Variants in MIA2 observed in about 807,000 individuals in gnomAD.
MIA2 encodes MIA SH3 domain ER export factor 2.
Under a neutral mutation model 167.8 loss-of-function variants are expected in MIA2, and 127 were observed. The ratio of observed to expected loss-of-function variants is 0.76; its 90% confidence interval spans 0.66 to 0.88. The LOEUF is 0.88. Among genes scored for constraint, MIA2 ranks in the 40% least tolerant of loss-of-function variants. The pLI is 0.00. For synonymous variants in MIA2, 552 were observed against 541.9 expected (o/e 1.02, Z -0.26); for missense variants, 1,690 against 1,624.7 (o/e 1.04, Z -0.69).
Position 39,286,696 on chromosome 14 carries a change from C to CTTTTTTTTT in MIA2, c.2131-4316_2131-4308dup, listed in dbSNP as rs35159773. Among the ~76,000 whole-genome samples, 6 of 142,690 alleles carry CTTTTTTTTT rather than the reference C, an allele frequency of 4.2e-5. 3 individuals carry two copies. The highest frequency in any genetic ancestry group is 6.1e-5 in the Non-Finnish European group (4 of 66,014). The allele number at this position is 142,690 out of a possible 152,430, so 93.6% of individuals were successfully genotyped here. A position where few individuals can be genotyped will look rare whatever the true frequency, so the allele number is the denominator to read the frequency against. ...TTATCCTTCTCTTCCTTCCTTCTTA[C>CTTTTTTTTT]TTTTTTTTTTTTTTTGAGACAGGCT... On this transcript the variant is annotated intron_variant, in intron 9 of 28. Coordinates refer to ENST00000640607, the MANE Select transcript of MIA2 (RefSeq NM_001329214.4).
chr14:39,236,920 A>G lies in MIA2; in HGVS notation c.116-2A>G. ...GTATTTTTCTTTACATGTTTTACAT[A>G]GCTTTAATAAACAGAGTCTCAGCCA... On this transcript the variant is annotated splice_acceptor_variant, in intron 1 of 28. Coordinates refer to ENST00000640607, the MANE Select transcript of MIA2 (RefSeq NM_001329214.4). LOFTEE classifies it high-confidence loss of function. 6.3e-7 allele frequency: 1 copy of G among 1,599,182 alleles called. No individual in the cohort carries two copies. The highest frequency in any genetic ancestry group is 8.5e-7 in the Non-Finnish European group (1 of 1,176,226).
At chr14:39,285,726 G>C (rs1200350547) in intron 9 of MIA2, among the ~76,000 whole-genome samples, 1 of 108,822 alleles carries the variant, frequency 9.2e-6, no homozygotes, top group Non-Finnish European at 2.0e-5. Flanking sequence ...CTTCCCAGAC[G>C]GGGCAGCTGC....
chr14:39,308,398 A>G (rs981820734), intron 17 of MIA2, 51 bp from the exon 18 acceptor site: 1 of 1,146,604 alleles, frequency 8.7e-7, no homozygotes, highest in African/African-American at 1.6e-5. Context: ...AAATGTTAAT[A>G]TGCAACTCAA....
chr14:39,290,092 CA>C (rs2060521921), intron 9 of MIA2, among the ~76,000 whole-genome samples: 1 of 152,164 alleles, frequency 6.6e-6, no homozygotes, highest in Admixed American at 6.5e-5. Flanking sequence ...CATCTTTGGA[CA>C]GGTCATTGTT....
intron 10 of MIA2, 22 bp downstream of exon 10, chr14:39,291,118 T>C (rs1303854091): frequency 6.4e-7 from 1 of 1,570,378 alleles, no homozygotes; most frequent in African/African-American, 1.4e-5. Context: ...AATGGTATAA[T>C]TTTAAAAGCT....
chr14:39,315,496 C>T (rs45449400), intron 20 of MIA2, among the ~76,000 whole-genome samples, 187 bp from the exon 21 acceptor site: 6,797 of 152,136 alleles, frequency 0.045, 210 homozygotes, highest in Middle Eastern at 0.11. Flanking sequence ...ATTGTCTTTA[C>T]ATTCAGTTTT....
intron 14 of MIA2, among the ~76,000 whole-genome samples, chr14:39,301,774 G>A (rs140609600): frequency 2.6e-5 from 4 of 152,130 alleles, no homozygotes; most frequent in African/African-American, 9.7e-5. Context: ...TCTCACTGCA[G>A]ATGTGTTTGG....
intron 1 of MIA2, among the ~76,000 whole-genome samples, chr14:39,234,721 T>A (rs751572676): frequency 1.2e-4 from 18 of 152,280 alleles, no homozygotes; most frequent in Non-Finnish European, 1.5e-4. Flanking sequence ...TGATTTATTC[T>A]TCTAAACTTT....
At chr14:39,291,893 G>A (rs2060784255) in intron 10 of MIA2, among the ~76,000 whole-genome samples, 1 of 152,164 alleles carries the variant, frequency 6.6e-6, no homozygotes, top group South Asian at 2.1e-4. Flanking sequence ...AGTGACAAAG[G>A]ATAGCAGAGG....
At chr14:39,363,752 A>C (rs1261538861) in intron 23 of MIA2, among the ~76,000 whole-genome samples, 1 of 151,982 alleles carries the variant, frequency 6.6e-6, no homozygotes, top group African/African-American at 2.4e-5. Flanking sequence ...TGATTCCTTT[A>C]TTGTTTTGTA....
chr14:39,299,003 T>C (rs529264806), intron 13 of MIA2, among the ~76,000 whole-genome samples: 32 of 134,682 alleles, frequency 2.4e-4, no homozygotes, highest in Non-Finnish European at 4.1e-4. Flanking sequence ...TGAGAGAATA[T>C]CTTGAGCCCA....
In MIA2 at chr14:39,267,365, C is replaced by G; in HGVS notation, c.1888-9569C>G. 3 of 1,586,846 alleles carry G rather than the reference C, an allele frequency of 1.9e-6. No homozygotes were observed. In the East Asian group the frequency reaches 6.8e-5, roughly 36 times the overall value. ...CCACTCCGGTTGCCGGGTGCGGATT[C>G]GGGTTCCGGACCGAAGGCTGTGTGT... On this transcript the variant is annotated intron_variant, in intron 6 of 28. Transcript: ENST00000640607.
chr14:39,341,324 G>A (rs544269226), intron 25 of MIA2, among the ~76,000 whole-genome samples: 29 of 151,578 alleles, frequency 1.9e-4, no homozygotes, highest in South Asian at 4.2e-4. Flanking sequence ...ATAAATAAAT[G>A]AATAAATAAA....
chr14:39,321,556 T>A (rs2066442334), intron 24 of MIA2, among the ~76,000 whole-genome samples: 1 of 152,020 alleles, frequency 6.6e-6, no homozygotes, highest in African/African-American at 2.4e-5. Context: ...GACCTCGTGA[T>A]CCACCCTCCT....
chr14:39,238,205 C>T (rs527768593), intron 2 of MIA2, among the ~76,000 whole-genome samples: 1 of 149,072 alleles, frequency 6.7e-6, no homozygotes, highest in Non-Finnish European at 1.5e-5. Context: ...GACAGAGTCT[C>T]TCTGTCACCC....
chr14:39,303,609 C>T (rs1003596546), intron 16 of MIA2, 85 bp downstream of exon 16: 15 of 910,404 alleles, frequency 1.6e-5, no homozygotes, highest in African/African-American at 3.5e-5. Flanking sequence ...TTTAAAAAGT[C>T]CATTTTATTG....
At chr14:39,263,311 A>G (rs1266147817) in intron 6 of MIA2, among the ~76,000 whole-genome samples, 1 of 150,638 alleles carries the variant, frequency 6.6e-6, no homozygotes, top group African/African-American at 2.4e-5. Context: ...TATGTGATGG[A>G]TTACATTTAT....
At chr14:39,320,666 T>C (rs1354367566) in intron 23 of MIA2, among the ~76,000 whole-genome samples, 2 of 152,208 alleles carry the variant, frequency 1.3e-5, no homozygotes, top group Non-Finnish European at 2.9e-5. Flanking sequence ...ATATAAATGA[T>C]TATTTATCAT....
intron 25 of MIA2, among the ~76,000 whole-genome samples, chr14:39,331,753 A>G (rs1301195742): frequency 6.6e-6 from 1 of 152,056 alleles, no homozygotes; most frequent in African/African-American, 2.4e-5. Context: ...TGGGTTGAAA[A>G]TTCTTTAAGA....
Sources: gnomAD v4.1 joint callset for allele counts (sites outside exome capture counted in the v4.1 genomes callset) on GRCh38, gnomAD v4.1.1 for gene constraint, MANE v1.5 for transcripts, NCBI Gene and HGNC (gene_info 2026-07-23, HGNC 2026-07-21) for gene names.